Variants in ZPBP observed in about 807,000 individuals in gnomAD.
ZPBP encodes zona pellucida-binding protein 1.
Under a neutral mutation model 44.8 loss-of-function variants are expected in ZPBP, and 26 were observed. The ratio of observed to expected loss-of-function variants is 0.58; its 90% CI spans 0.43 to 0.81. The LOEUF is 0.81. ZPBP is among the 30% of genes least tolerant of loss of function. The pLI is 0.00. For missense variants in ZPBP, 409 were observed against 434.0 expected (o/e 0.94, Z 0.51); for synonymous variants, 174 against 153.2 (o/e 1.14, Z -1.00).
At chr7:50,031,354 A>T (rs1201384523) in intron 4 of ZPBP, 44 bp from the exon 5 acceptor site, 48 of 1,438,028 alleles carry the variant, frequency 3.3e-5, no homozygotes, top group Non-Finnish European at 4.4e-5. Context: ...TGGTTATTTA[A>T]ATAATTCAAA....
At chr7:49,944,524 T>C (rs1241471894) in intron 7 of ZPBP, 5 of 155,448 alleles carry the variant, frequency 3.2e-5, no homozygotes, top group African/African-American at 1.2e-4. Flanking sequence ...CTGGCTGAAG[T>C]GACCTGTTTT....
chr7:49,927,686 G>A (rs1393763545), intron 1 of ZPBP, among the ~76,000 whole-genome samples: 4 of 152,242 alleles, frequency 2.6e-5, no homozygotes, highest in Admixed American at 2.0e-4. Context: ...TCACCCAGCT[G>A]GCACCATAAG....
chr7:49,937,262 G>T (rs1047815534), downstream of ZPBP, among the ~76,000 whole-genome samples: 1 of 152,206 alleles, frequency 6.6e-6, no homozygotes, highest in East Asian at 1.9e-4. Context: ...AATCTTTTGG[G>T]CTAACCTGAA....
chr7:50,031,334 GAC>G (rs1562858432), intron 4 of ZPBP, 24 bp from the exon 5 acceptor site: 1 of 1,561,524 alleles, frequency 6.4e-7, no homozygotes, highest in Admixed American at 1.7e-5. Flanking sequence ...ACAAGAGAAA[GAC>G]ACAAAAATGG....
intron 3 of ZPBP, among the ~76,000 whole-genome samples, chr7:50,070,813 T>C (rs936155283): frequency 1.3e-5 from 2 of 152,226 alleles, no homozygotes; most frequent in African/African-American, 4.8e-5. Context: ...ACATGTATTA[T>C]ATTGTTTTTT....
intron 3 of ZPBP, among the ~76,000 whole-genome samples, chr7:50,069,812 T>C (rs1004379724): frequency 6.6e-6 from 1 of 152,062 alleles, no homozygotes; most frequent in Admixed American, 6.6e-5. Context: ...GCCAGGAACG[T>C]GCCTTCCCCT....
intron 2 of ZPBP, among the ~76,000 whole-genome samples, chr7:49,885,750 GT>G (rs1172610435): frequency 6.6e-6 from 1 of 152,232 alleles, no homozygotes; most frequent in East Asian, 1.9e-4. Flanking sequence ...TTTAGATGCG[GT>G]TAAAGTATTG....
chr7:50,076,811 G>C (rs1802110174), intron 3 of ZPBP, among the ~76,000 whole-genome samples: 2 of 151,682 alleles, frequency 1.3e-5, no homozygotes, highest in Admixed American at 6.6e-5. Flanking sequence ...TTATTAGAAT[G>C]TCCAAACTAT....
chr7:49,953,602 G>T (rs1795445181), intron 7 of ZPBP, among the ~76,000 whole-genome samples: 1 of 152,040 alleles, frequency 6.6e-6, no homozygotes, highest in African/African-American at 2.4e-5. Context: ...TGAAAACAAA[G>T]ACTCAGAAGA....
At chr7:49,845,619 T>C (rs1484224398), downstream of ZPBP, among the ~76,000 whole-genome samples, 1 of 152,212 alleles carries the variant, frequency 6.6e-6, no homozygotes, top group Non-Finnish European at 1.5e-5. Flanking sequence ...CCAAAGTCAG[T>C]CTTCAAATAC....
At chr7:49,903,345 A>T (rs1792882532) in intron 1 of ZPBP, among the ~76,000 whole-genome samples, 1 of 152,208 alleles carries the variant, frequency 6.6e-6, no homozygotes, top group South Asian at 2.1e-4. Context: ...ACAAAATGCC[A>T]CTCAGTTGTT....
intron 6 of ZPBP, among the ~76,000 whole-genome samples, chr7:50,003,278 A>G (rs1458473528): frequency 2.6e-5 from 4 of 152,198 alleles, no homozygotes; most frequent in African/African-American, 9.6e-5. Context: ...AAACAATAAT[A>G]TATGGATTAA....
chr7:49,977,377 G>C (rs993655247), intron 7 of ZPBP, among the ~76,000 whole-genome samples: 3 of 152,004 alleles, frequency 2.0e-5, no homozygotes, highest in African/African-American at 4.8e-5. Context: ...CTGATCCTCT[G>C]ATGTAAAATC....
intron 2 of ZPBP, among the ~76,000 whole-genome samples, chr7:49,894,924 T>G (rs1792310335): frequency 6.6e-6 from 1 of 152,190 alleles, no homozygotes; most frequent in South Asian, 2.1e-4. Flanking sequence ...GCAGGAGACA[T>G]GTTGTGAAAG....
At chr7:49,934,926 T>C (rs187659951), downstream of ZPBP, among the ~76,000 whole-genome samples, 1 of 152,276 alleles carries the variant, frequency 6.6e-6, no homozygotes, top group Admixed American at 6.5e-5. Flanking sequence ...GATGATATAA[T>C]TGCTAAAAAA....
intron 2 of ZPBP, among the ~76,000 whole-genome samples, chr7:49,890,480 G>C (rs925893691): frequency 6.6e-6 from 1 of 152,106 alleles, no homozygotes; most frequent in Admixed American, 6.5e-5. Flanking sequence ...AACATCTCTA[G>C]GTTAGCATCC....
chr7:49,854,335 T>C (rs899472388), intron 2 of ZPBP, among the ~76,000 whole-genome samples: 3 of 152,214 alleles, frequency 2.0e-5, no homozygotes, highest in African/African-American at 7.2e-5. Flanking sequence ...ACCAACAATG[T>C]AAACGTGTTC....
intron 6 of ZPBP, among the ~76,000 whole-genome samples, chr7:50,009,462 G>A (rs1438876937): frequency 6.6e-6 from 1 of 151,788 alleles, no homozygotes; most frequent in Non-Finnish European, 1.5e-5. Flanking sequence ...ACTTACCCCA[G>A]CAGGCTCCCC....
At chr7:49,899,668 A>G (rs1169356226) in intron 2 of ZPBP, among the ~76,000 whole-genome samples, 3 of 152,000 alleles carry the variant, frequency 2.0e-5, no homozygotes, top group African/African-American at 4.8e-5. Context: ...ATCAAAACAC[A>G]TGAGGCAAAA....
Sources: gnomAD v4.1 joint callset for allele counts (sites outside exome capture counted in the v4.1 genomes callset) on GRCh38, gnomAD v4.1.1 for gene constraint, MANE v1.5 for transcripts, NCBI Gene and HGNC (gene_info 2026-07-23, HGNC 2026-07-21) for gene names.